The following RIMBP2 variants were observed in gnomAD, a reference collection of about 807,000 sequenced individuals.
RIMBP2 encodes RIMS-binding protein 2.
RIMBP2 carries 48 observed loss-of-function variants against 118.6 expected under a neutral mutation model. That is an observed-to-expected ratio of 0.40 (90% CI 0.32 to 0.51). The LOEUF (loss-of-function observed/expected upper bound fraction) is 0.51. Ranked by LOEUF, RIMBP2 falls within the 20% of genes least tolerant of loss-of-function variation. RIMBP2 has a pLI of 0.41. For missense variants in RIMBP2, 1,551 were observed against 1,768.3 expected (o/e 0.88, Z 2.20); for synonymous variants, 762 against 742.9 (o/e 1.03, Z -0.42).
At chr12:130,614,543 G>A (rs545430852) in intron 2 of RIMBP2, among the ~76,000 whole-genome samples, 51 of 152,220 alleles carry the variant, frequency 3.4e-4, no homozygotes, top group African/African-American at 1.1e-3. Context: ...TCTTGGAGGC[G>A]TAATTAAAAA....
At chr12:130,633,222 G>A (rs905698544) in intron 1 of RIMBP2, among the ~76,000 whole-genome samples, 5 of 152,172 alleles carry the variant, frequency 3.3e-5, no homozygotes, top group African/African-American at 2.4e-5. Flanking sequence ...ATTATCTAAA[G>A]GGTGTTCAAC....
intron 6 of RIMBP2, among the ~76,000 whole-genome samples, chr12:130,464,616 G>T (rs1210051071): frequency 6.6e-6 from 1 of 152,218 alleles, no homozygotes; most frequent in Admixed American, 6.5e-5. Flanking sequence ...ATGCATTGCT[G>T]CTGACTCAGA....
intron 4 of RIMBP2, among the ~76,000 whole-genome samples, chr12:130,483,315 G>T (rs187750913): frequency 1.4e-4 from 22 of 152,196 alleles, no homozygotes; most frequent in African/African-American, 5.3e-4. Flanking sequence ...GTGTGTACAC[G>T]GGTCAGCAGT....
Position 130,450,339 on chromosome 12 carries a change from G to GT in RIMBP2, c.505-64_505-63insA. The stretch of plus-strand genomic sequence containing the variant: ...TGGAGGTGTCCCACCCCATTCCCGC[G>GT]GCACACGGGAAAGCCCCTCGCAGCT... On this transcript the variant is annotated intron_variant, in intron 8 of 22. Transcript: ENST00000690449. This position sits in a 1 kb window ranked among gnomAD's most constrained non-coding sequence, Gnocchi z 4.8. 7 of 1,285,706 alleles carry GT rather than the reference G, an allele frequency of 5.4e-6. No individual in the cohort carries two copies. The highest frequency in any genetic ancestry group is 6.7e-6 in the Non-Finnish European group (6 of 899,864). The allele number at this position is 1,285,706 out of a possible 1,614,324, so 79.6% of individuals were successfully genotyped here. A position where few individuals can be genotyped will look rare whatever the true frequency, so the allele number is the denominator to read the frequency against.
At position 130,434,597 on chromosome 12, in the gene RIMBP2, G is replaced by T; in HGVS notation, c.2253+137C>A. 1 of 865,694 alleles carries T rather than the reference G, an allele frequency of 1.2e-6. No homozygotes were observed. Among genetic ancestry groups the T allele is most frequent in the Non-Finnish European group, 1.7e-6 (1 of 574,728 alleles). 53.6% of individuals were successfully genotyped at this position (865,694 alleles called of 1,614,324 possible). On this transcript the variant is annotated intron_variant, in intron 14 of 22. Coordinates refer to ENST00000690449, the MANE Select transcript of RIMBP2 (RefSeq NM_001393629.1). The surrounding 1 kb of genome is among the most constrained non-coding windows in gnomAD (Gnocchi z 5.7). ...ACTTCAGAAACCTAGCACGACTTAG[G>T]ACCCCAGCTGGGCGTCTCCATCTCT...
At chr12:130,517,793 G>C in intron 3 of RIMBP2, 35 bp downstream of exon 3, 2 of 914,844 alleles carry the variant, frequency 2.2e-6, no homozygotes, top group Non-Finnish European at 2.6e-6. Context: ...TCCCTCCAGG[G>C]CCCCAGATGG....
In RIMBP2 at chr12:130,494,656, G is replaced by C. The variant is rs1340897523; in HGVS notation, c.-4+11992C>G. On this transcript the variant is annotated intron_variant, in intron 4 of 22. Coordinates refer to ENST00000690449, the MANE Select transcript of RIMBP2 (RefSeq NM_001393629.1). ...CCTGTCTCAAAAAAAAAAAAAGAAA[G>C]AAAAGAAAAGAAAGAGCAAAGTAGG... Among the ~76,000 whole-genome samples the C allele has an allele frequency of 6.6e-5, 8 of 121,600 alleles. No individual in the cohort carries two copies. The Admixed American group carries it at 6.9e-4, about 11-fold the overall frequency. 79.8% of individuals were successfully genotyped at this position (121,600 alleles called of 152,430 possible).
intron 1 of RIMBP2, among the ~76,000 whole-genome samples, chr12:130,637,198 C>T (rs2062389616): frequency 1.3e-5 from 2 of 152,224 alleles, no homozygotes; most frequent in Non-Finnish European, 2.9e-5. Context: ...GTCCTCAGAT[C>T]ACCTCTCAGC....
intron 2 of RIMBP2, among the ~76,000 whole-genome samples, chr12:130,607,266 CA>C (rs1359219738): frequency 6.6e-6 from 1 of 152,162 alleles, no homozygotes; most frequent in Non-Finnish European, 1.5e-5. Context: ...CTCACTCTCC[CA>C]CAGACCCGGT....
At chr12:130,648,700 A>AGGG (rs1177454923) in intron 1 of RIMBP2, among the ~76,000 whole-genome samples, 1 of 138,904 alleles carries the variant, frequency 7.2e-6, no homozygotes, top group African/African-American at 2.6e-5. Context: ...CTTGTTGCCC[A>AGGG]GGCTGGAGTG....
intron 2 of RIMBP2, among the ~76,000 whole-genome samples, chr12:130,591,209 A>G (rs1420636604): frequency 6.6e-6 from 1 of 152,248 alleles, no homozygotes. Flanking sequence ...TGGTTCTGAC[A>G]TGGACCCAGC....
chr12:130,697,431 G>A (rs2065628390), intron 1 of RIMBP2, among the ~76,000 whole-genome samples: 1 of 152,216 alleles, frequency 6.6e-6, no homozygotes, highest in Non-Finnish European at 1.5e-5. Context: ...GCTGAGGCGA[G>A]AGGATTGCTT....
At chr12:130,456,146 G>C (rs2079416434) in intron 7 of RIMBP2, among the ~76,000 whole-genome samples, 1 of 152,232 alleles carries the variant, frequency 6.6e-6, no homozygotes, top group East Asian at 1.9e-4. Context: ...TGGAGTCGTT[G>C]CCAGTGCAGA....
intron 2 of RIMBP2, among the ~76,000 whole-genome samples, chr12:130,611,503 C>T (rs995443609): frequency 6.6e-6 from 1 of 152,198 alleles, no homozygotes; most frequent in Admixed American, 6.5e-5. Flanking sequence ...CACCGGCTGC[C>T]GGCTACCGGG....
At chr12:130,677,508 G>A (rs2064550321) in intron 1 of RIMBP2, among the ~76,000 whole-genome samples, 1 of 152,074 alleles carries the variant, frequency 6.6e-6, no homozygotes, top group Non-Finnish European at 1.5e-5. Context: ...GGCACTTGTA[G>A]TCCCAGCTAC....
chr12:130,570,302 C>T (rs1220543415), intron 2 of RIMBP2, among the ~76,000 whole-genome samples: 2 of 151,986 alleles, frequency 1.3e-5, no homozygotes, highest in African/African-American at 4.8e-5. Context: ...GGCTTGCACC[C>T]GAAGGCCCAG....
At chr12:130,609,794 A>C (rs1437186376) in intron 2 of RIMBP2, among the ~76,000 whole-genome samples, 1 of 151,956 alleles carries the variant, frequency 6.6e-6, no homozygotes, top group African/African-American at 2.4e-5. Context: ...CTGGAGGGGG[A>C]CTGGTTGAGG....
chr12:130,595,409 T>A (rs1176609094), intron 2 of RIMBP2, among the ~76,000 whole-genome samples: 1 of 151,986 alleles, frequency 6.6e-6, no homozygotes, highest in Non-Finnish European at 1.5e-5. Flanking sequence ...ATACAAAAAA[T>A]TAGCCGGGCG....
At chr12:130,682,213 C>T (rs2064822177) in intron 1 of RIMBP2, among the ~76,000 whole-genome samples, 1 of 152,172 alleles carries the variant, frequency 6.6e-6, no homozygotes, top group South Asian at 2.1e-4. Flanking sequence ...CCCTCCCTTC[C>T]CCCACTGCCA....
Sources: allele counts gnomAD v4.1 joint callset (sites outside exome capture counted in the v4.1 genomes callset), GRCh38; gene constraint gnomAD v4.1.1; non-coding constraint Gnocchi (gnomAD v3.1); transcripts MANE v1.5; gene names NCBI Gene and HGNC (gene_info 2026-07-23, HGNC 2026-07-21).